FLNB: variants seen among roughly 807,000 people sequenced by gnomAD.
FLNB encodes the protein filamin B, also known as filamin-B.
Under a neutral mutation model 250.6 loss-of-function variants are expected in FLNB, and 111 were observed. The observed-to-expected ratio is 0.44, with a 90% CI of 0.38 to 0.52. The LOEUF (loss-of-function observed/expected upper bound fraction) is 0.52. FLNB is among the 20% of genes least tolerant of loss of function. FLNB has a pLI of 0.00. For synonymous variants in FLNB, 1,302 were observed against 1,372.1 expected (o/e 0.95, Z 1.13); for missense variants, 2,869 against 3,447.8 (o/e 0.83, Z 4.20).
At chr3:58,048,451 G>T (rs915011972) in intron 1 of FLNB, among the ~76,000 whole-genome samples, 2 of 152,144 alleles carry the variant, frequency 1.3e-5, no homozygotes, top group Non-Finnish European at 2.9e-5. Context: ...AGGTCTGTCT[G>T]TTTCCTTGTG....
At chr3:58,025,811 A>C (rs1165037949) in intron 1 of FLNB, among the ~76,000 whole-genome samples, 2 of 152,202 alleles carry the variant, frequency 1.3e-5, no homozygotes, top group Middle Eastern at 3.2e-3. Flanking sequence ...CTTTAATTCC[A>C]GCTACTTGGA....
At position 58,130,949 on chromosome 3, in the gene FLNB, C is replaced by A. The variant is rs2097306346; in HGVS notation, c.4390+41C>A. On this transcript the variant is annotated intron_variant, in intron 25 of 45. Coordinates refer to ENST00000295956, the MANE Select transcript of FLNB (RefSeq NM_001457.4). Reference sequence around the variant, plus strand: ...GCCTTCCTGCAGACATTCATCTGCCCCAGGCAGGGGCAGCTGTAACCCAGA... The same window carrying A: ...GCCTTCCTGCAGACATTCATCTGCCACAGGCAGGGGCAGCTGTAACCCAGA... 10 of 1,582,888 alleles carry A rather than the reference C, an allele frequency of 6.3e-6. No individual in the cohort carries two copies. In the African/African-American group the frequency reaches 8.1e-5, roughly 13 times the overall value.
chr3:58,091,966 A>G (rs1425637892), intron 4 of FLNB, among the ~76,000 whole-genome samples: 1 of 152,212 alleles, frequency 6.6e-6, no homozygotes, highest in Non-Finnish European at 1.5e-5. Flanking sequence ...GGGAGAAAAA[A>G]TTTGCAAACC....
At chr3:58,136,797 G>T (rs1226163105) in intron 28 of FLNB, among the ~76,000 whole-genome samples, 1 of 125,572 alleles carries the variant, frequency 8.0e-6, no homozygotes, top group Non-Finnish European at 1.5e-5. Flanking sequence ...TGTTGCCCAG[G>T]CTGGAGTGCA....
intron 16 of FLNB, among the ~76,000 whole-genome samples, chr3:58,111,093 T>C (rs904992792): frequency 6.6e-6 from 1 of 152,238 alleles, no homozygotes; most frequent in African/African-American, 2.4e-5. Flanking sequence ...GAAATGCAGT[T>C]AGCTTCTAGA....
chr3:58,031,835 C>T (rs2097131534), intron 1 of FLNB, among the ~76,000 whole-genome samples: 1 of 151,972 alleles, frequency 6.6e-6, no homozygotes, highest in African/African-American at 2.4e-5. Flanking sequence ...TGAACCACTG[C>T]ACCCCCATCC....
chr3:58,054,366 T>A (rs1478707411), intron 1 of FLNB, among the ~76,000 whole-genome samples: 2 of 152,212 alleles, frequency 1.3e-5, no homozygotes, highest in Non-Finnish European at 2.9e-5. Flanking sequence ...ATATAAAACA[T>A]TTCCATCGTT....
At chr3:58,120,299 A>T (rs1162806427) in intron 19 of FLNB, among the ~76,000 whole-genome samples, 3 of 152,200 alleles carry the variant, frequency 2.0e-5, no homozygotes, top group African/African-American at 7.2e-5. Flanking sequence ...TTTCCCCAAG[A>T]CACTGAGAGC....
chr3:58,137,156 C>G lies in FLNB; in HGVS notation c.4861+988C>G, dbSNP rs148665458. ...TAAGAAGACTAAACACAGGACCACC[C>G]TTGATGTGTTCTGTTTCTCTCTTAG... On this transcript the variant is annotated intron_variant, in intron 28 of 45. Coordinates refer to ENST00000295956, the MANE Select transcript of FLNB (RefSeq NM_001457.4). 1.4e-3 allele frequency among the ~76,000 whole-genome samples: 213 copies of G among 152,302 alleles called. 1 individual carries two copies. The highest frequency in any genetic ancestry group is 4.5e-3 in the African/African-American group (189 of 41,572).
intron 1 of FLNB, among the ~76,000 whole-genome samples, chr3:58,051,762 G>A (rs989774784): frequency 6.6e-6 from 1 of 152,062 alleles, no homozygotes; most frequent in African/African-American, 2.4e-5. Flanking sequence ...GAAGTGTTAA[G>A]GCTTGAGAAG....
chr3:58,143,538 G>T lies in FLNB; in HGVS notation c.5350G>T (p.Val1784Phe), dbSNP rs1291783484. Residue 1784 changes from valine (V) to phenylalanine (F), a missense_variant, in exon 32 of 46, where the codon GTC becomes TTC. Val to Phe is a conservative substitution (Grantham distance 50, BLOSUM62 -1). This residue lies in a region of FLNB where 1,084 missense variants were observed against 1,315.5 expected (regional missense o/e 0.82). Coordinates refer to ENST00000295956, the MANE Select transcript of FLNB (RefSeq NM_001457.4). ...GATTGTGGACAACAAGGACGGCACG[G>T]TCACTGTTAGATATGCCCCCACTGA... Reference protein sequence around the residue: ...PEIVDNKDGTVTVRYAPTEVG... With the variant: ...PEIVDNKDGTFTVRYAPTEVG... The T allele has an allele frequency of 3.1e-6, 5 of 1,614,086 alleles. No individual in the cohort carries two copies. The highest frequency in any genetic ancestry group is 2.2e-5 in the East Asian group (1 of 44,896).
At chr3:58,020,292 C>T (rs1414083183) in intron 1 of FLNB, among the ~76,000 whole-genome samples, 2 of 152,174 alleles carry the variant, frequency 1.3e-5, no homozygotes, top group Admixed American at 1.3e-4. Flanking sequence ...AGGCCTAGCA[C>T]CCAGCCTTTA....
chr3:58,126,921 C>A (rs1042669247), intron 24 of FLNB, among the ~76,000 whole-genome samples, 159 bp downstream of exon 24: 4 of 152,114 alleles, frequency 2.6e-5, no homozygotes, highest in African/African-American at 9.7e-5. Context: ...ATTATCTCAA[C>A]TCCCAGTAGA....
chr3:58,100,582 TCTTTTTC>T lies in FLNB; in HGVS notation c.1346-1620_1346-1614del, dbSNP rs2097249113. On this transcript the variant is annotated intron_variant, in intron 8 of 45. Coordinates refer to ENST00000295956, the MANE Select transcript of FLNB (RefSeq NM_001457.4). ...ATTTTTTACCCTTTTTTTTTCTTTT[TCTTTTTC>T]TTTTTTTTTTTGTTTTGTTTTGTTT... 6.4e-5 allele frequency among the ~76,000 whole-genome samples: 9 copies of T among 140,222 alleles called. No homozygotes were observed. The South Asian group carries it at 2.1e-3, about 32-fold the overall frequency. The allele number at this position is 140,222 out of a possible 152,430, so 92.0% of individuals were successfully genotyped here.
chr3:58,131,343 G>A (rs762489023), intron 25 of FLNB, among the ~76,000 whole-genome samples: 3 of 152,218 alleles, frequency 2.0e-5, no homozygotes, highest in Non-Finnish European at 4.4e-5. Context: ...CACGTGATAC[G>A]TGGCTTTGTC....
intron 41 of FLNB, among the ~76,000 whole-genome samples, chr3:58,158,424 A>G (rs1038069600): frequency 6.6e-6 from 1 of 152,210 alleles, no homozygotes; most frequent in African/African-American, 2.4e-5. Flanking sequence ...GGACCTTGCC[A>G]TGAAGATGTG....
intron 8 of FLNB, among the ~76,000 whole-genome samples, chr3:58,100,373 A>ATATATATATATATGTATATATATAT (rs1553696152): frequency 9.6e-6 from 1 of 104,386 alleles, no homozygotes; most frequent in Non-Finnish European, 1.8e-5. Flanking sequence ...GTAAAAAAAA[A>ATATATATATATATGTATATATATAT]ATATATATAT....
chr3:58,023,755 A>G (rs1201201886), intron 1 of FLNB, among the ~76,000 whole-genome samples: 3 of 152,220 alleles, frequency 2.0e-5, no homozygotes, highest in Non-Finnish European at 4.4e-5. Context: ...CCCTTGGTCT[A>G]GAAATATGTT....
intron 5 of FLNB, among the ~76,000 whole-genome samples, chr3:58,095,716 A>T (rs976115287): frequency 3.9e-5 from 6 of 152,228 alleles, no homozygotes; most frequent in African/African-American, 1.2e-4. Context: ...GGCATTTAGC[A>T]TAATTTGCAA....
Sources: allele counts gnomAD v4.1 joint callset (sites outside exome capture counted in the v4.1 genomes callset), GRCh38; gene constraint gnomAD v4.1.1; regional missense constraint gnomAD v4.1.1; transcripts MANE v1.5; gene names NCBI Gene and HGNC (gene_info 2026-07-23, HGNC 2026-07-21).